Variants in CD109 observed in about 807,000 individuals in gnomAD.
CD109 encodes the protein CD109 antigen.
In CD109, 149 loss-of-function variants were observed where a neutral mutation model predicts 165.8. The ratio of observed to expected loss-of-function variants is 0.90; its 90% CI spans 0.79 to 1.03. CD109 has a LOEUF of 1.03. Among genes scored for constraint, CD109 ranks in the 50% least tolerant of loss-of-function variants. The probability of loss-of-function intolerance (pLI) is 0.00; values close to 1 mark genes in which losing one functional copy is unlikely to be tolerated. For synonymous variants in CD109, 585 were observed against 592.1 expected (o/e 0.99, Z 0.18); for missense variants, 1,712 against 1,677.8 (o/e 1.02, Z -0.36).
At chr6:73,744,028 C>T (rs761830833) in intron 5 of CD109, among the ~76,000 whole-genome samples, 5 of 152,152 alleles carry the variant, frequency 3.3e-5, no homozygotes, top group Admixed American at 1.3e-4. Flanking sequence ...GCGTTATTTT[C>T]GTTTTTTAAA....
chr6:73,780,720 C>G (rs1220275497), intron 16 of CD109, among the ~76,000 whole-genome samples: 1 of 138,132 alleles, frequency 7.2e-6, no homozygotes, highest in East Asian at 2.1e-4. Flanking sequence ...TGACATTAAA[C>G]AAATAATTTT....
intron 5 of CD109, among the ~76,000 whole-genome samples, chr6:73,751,537 C>T (rs1459623784): frequency 2.6e-5 from 4 of 152,148 alleles, no homozygotes; most frequent in South Asian, 2.1e-4. Context: ...GGAAAATGCT[C>T]ATGCTTTCTC....
intron 30 of CD109, among the ~76,000 whole-genome samples, chr6:73,817,594 T>C (rs995023243): frequency 7.9e-5 from 12 of 152,240 alleles, no homozygotes; most frequent in Admixed American, 7.2e-4. Flanking sequence ...ACTAACTTAA[T>C]GCTATGATTC....
chr6:73,727,632 T>C (rs904108647), intron 3 of CD109, among the ~76,000 whole-genome samples: 1 of 152,162 alleles, frequency 6.6e-6, no homozygotes, highest in Admixed American at 6.5e-5. Flanking sequence ...AGGCTGCTTG[T>C]GGTTAATAGG....
chr6:73,818,581 T>C (rs1213663361), intron 31 of CD109, 46 bp downstream of exon 31: 3 of 1,556,538 alleles, frequency 1.9e-6, no homozygotes, highest in Non-Finnish European at 2.6e-6. Context: ...CCACTGTGTT[T>C]TGTATTCAGG....
intron 4 of CD109, among the ~76,000 whole-genome samples, chr6:73,733,209 G>A (rs1772428400): frequency 6.6e-6 from 1 of 152,180 alleles, no homozygotes; most frequent in South Asian, 2.1e-4. Context: ...AACAAATTGG[G>A]ACTTAGCCTG....
chr6:73,758,910 G>GA, intron 6 of CD109, 34 bp from the exon 7 acceptor site: 1 of 1,223,914 alleles, frequency 8.2e-7, no homozygotes. Flanking sequence ...GTCTCAAAAA[G>GA]AAAAAAAGAT....
chr6:73,803,153 T>C, intron 23 of CD109, 67 bp from the exon 24 acceptor site: 1 of 1,078,182 alleles, frequency 9.3e-7, no homozygotes, highest in South Asian at 1.3e-5. Context: ...TATGAAGTCA[T>C]AATTAGAAAC....
chr6:73,789,331 A>G (rs1282749661), intron 22 of CD109, among the ~76,000 whole-genome samples: 2 of 152,252 alleles, frequency 1.3e-5, no homozygotes, highest in Admixed American at 6.5e-5. Flanking sequence ...TTTATGGGAT[A>G]CAAAGTGATA....
intron 5 of CD109, among the ~76,000 whole-genome samples, chr6:73,747,608 C>G (rs1773028868): frequency 6.6e-6 from 1 of 152,122 alleles, no homozygotes; most frequent in African/African-American, 2.4e-5. Context: ...GAGTTCTAGA[C>G]CTTTAAAACT....
At chr6:73,723,945 G>A (rs1277032619) in intron 3 of CD109, among the ~76,000 whole-genome samples, 2 of 152,050 alleles carry the variant, frequency 1.3e-5, no homozygotes, top group Admixed American at 6.5e-5. Flanking sequence ...TGCTTCTGTC[G>A]TAATGAGCCT....
chr6:73,782,979 T>C (rs75420938), intron 18 of CD109, among the ~76,000 whole-genome samples: 2 of 138,124 alleles, frequency 1.4e-5, no homozygotes, highest in African/African-American at 2.6e-5. Flanking sequence ...AAGATAGGCC[T>C]TTTTTTTTTT....
intron 15 of CD109, among the ~76,000 whole-genome samples, chr6:73,778,582 G>C (rs1424251419): frequency 6.6e-6 from 1 of 152,166 alleles, no homozygotes; most frequent in Admixed American, 6.5e-5. Flanking sequence ...TTGGAGTCAT[G>C]GAACTCTAGC....
intron 16 of CD109, 65 bp from the exon 17 acceptor site, chr6:73,781,194 G>T: frequency 7.4e-7 from 1 of 1,348,024 alleles, no homozygotes; most frequent in South Asian, 1.2e-5. Context: ...TTGGGAGACT[G>T]CCTTGATAAT....
Position 73,706,413 on chromosome 6 carries a change from C to T in CD109, c.247+8841C>T, listed in dbSNP as rs181581417. Among the ~76,000 whole-genome samples, 171 of 152,192 alleles carry T rather than the reference C, an allele frequency of 1.1e-3. 3 individuals carry two copies. In the Middle Eastern group the frequency reaches 0.034, roughly 30 times the overall value. On this transcript the variant is annotated intron_variant, in intron 2 of 32. Coordinates refer to ENST00000287097, the MANE Select transcript of CD109 (RefSeq NM_133493.5). The stretch of plus-strand genomic sequence containing the variant: ...AGAGAGAAGAGGAAAGGGCTGTTTA[C>T]GATGAAGATATGCCTCAGTTGAAGC...
At position 73,756,669 on chromosome 6, in the gene CD109, G is replaced by T; in HGVS notation, c.660G>T (p.Gln220His). 2 of 1,545,134 alleles carry T rather than the reference G, an allele frequency of 1.3e-6. No individual in the cohort carries two copies. The highest frequency in any genetic ancestry group is 2.1e-5 in the Admixed American group (1 of 48,636). Residue 220 changes from glutamine to histidine, a missense_variant, in exon 6 of 33, where the codon CAG (glutamine) becomes CAT (histidine). Gln to His is a conservative substitution (Grantham distance 24). Coordinates refer to ENST00000287097, the MANE Select transcript of CD109 (RefSeq NM_133493.5). Reference protein sequence around the residue: ...VNDQTYYQSFQVSEYVLPKFE... With the variant: ...VNDQTYYQSFHVSEYVLPKFE... ...ACCAGACATACTATCAATCATTTCA[G>T]GTTTCAGAATATGGTAAGAGTTCCT...
At chr6:73,794,778 C>T (rs1458223049) in intron 23 of CD109, among the ~76,000 whole-genome samples, 1 of 152,130 alleles carries the variant, frequency 6.6e-6, no homozygotes, top group South Asian at 2.1e-4. Flanking sequence ...CCCTGAAATG[C>T]ACCAGGTGGT....
intron 32 of CD109, among the ~76,000 whole-genome samples, chr6:73,823,011 T>A (rs1776150387): frequency 1.3e-5 from 2 of 152,218 alleles, no homozygotes; most frequent in Admixed American, 6.5e-5. Context: ...CCTTCATATT[T>A]ATGTATTTTT....
rs757459134 is a variant in CD109 at position 73,759,031 on chromosome 6, A to G, written c.758+3A>G. 1 of 1,561,890 alleles carries G rather than the reference A, an allele frequency of 6.4e-7. No homozygotes were observed. The highest frequency in any genetic ancestry group is 2.2e-5 in the East Asian group (1 of 44,508). On this transcript the variant is annotated splice_donor_region_variant and intron_variant, in intron 7 of 32. Coordinates refer to ENST00000287097, the MANE Select transcript of CD109 (RefSeq NM_133493.5). ...TTAAATGGTACCATCACGGCAAAGT[A>G]AGTGTCATTTTTCTTTTGATATGAC...
Sources: gnomAD v4.1 joint callset for allele counts (sites outside exome capture counted in the v4.1 genomes callset) on GRCh38, gnomAD v4.1.1 for gene constraint, MANE v1.5 for transcripts, NCBI Gene and HGNC (gene_info 2026-07-23, HGNC 2026-07-21) for gene names.